The following AKAP19 variants were observed in gnomAD, a reference collection of about 807,000 sequenced individuals.
AKAP19 encodes the protein A-kinase anchoring protein 19.
At chr2:190,180,301 G>A in the AKAP19 span, among the ~76,000 whole-genome samples, 2 of 152,150 alleles carry the variant, frequency 1.3e-5, no homozygotes, top group Non-Finnish European at 2.9e-5. The surrounding 1 kb of genome is among the most constrained non-coding windows in gnomAD (Gnocchi z 6.8). Flanking sequence ...GCCAGGCTGC[G>A]GGGCCCCCTG....
the AKAP19 span, among the ~76,000 whole-genome samples, chr2:190,040,615 G>A: frequency 1.3e-5 from 2 of 152,116 alleles, no homozygotes; most frequent in African/African-American, 4.8e-5. Context: ...GTCCAGGATG[G>A]TATTGTCTAG....
At chr2:190,127,961 C>A in the AKAP19 span, among the ~76,000 whole-genome samples, 1 of 151,494 alleles carries the variant, frequency 6.6e-6, no homozygotes, top group Admixed American at 6.6e-5. Context: ...AAATTTAAAT[C>A]ACAGATATAA....
chr2:189,967,628 A>C, the AKAP19 span, among the ~76,000 whole-genome samples: 118 of 152,228 alleles, frequency 7.8e-4, no homozygotes, highest in South Asian at 3.7e-3. Flanking sequence ...TAGAAGCAAA[A>C]TGATCCTATA....
the AKAP19 span, among the ~76,000 whole-genome samples, chr2:190,083,908 A>G: frequency 6.6e-6 from 1 of 152,238 alleles, no homozygotes; most frequent in East Asian, 1.9e-4. Flanking sequence ...TTGAAGTCAC[A>G]CAGCGAGCAA....
the AKAP19 span, among the ~76,000 whole-genome samples, chr2:189,977,071 C>A: frequency 6.6e-6 from 1 of 152,198 alleles, no homozygotes; most frequent in Non-Finnish European, 1.5e-5. Flanking sequence ...GCATCGCTCA[C>A]GCTGGGAGCT....
the AKAP19 span, among the ~76,000 whole-genome samples, chr2:189,987,974 A>G: frequency 3.3e-5 from 5 of 152,114 alleles, no homozygotes; most frequent in African/African-American, 4.8e-5. Flanking sequence ...CTCAGGGATC[A>G]GAGTTTTTAA....
the AKAP19 span, among the ~76,000 whole-genome samples, chr2:190,177,050 T>C: frequency 6.6e-6 from 1 of 152,128 alleles, no homozygotes; most frequent in Admixed American, 6.5e-5. This position sits in a 1 kb window ranked among gnomAD's most constrained non-coding sequence, Gnocchi z 4.6. Flanking sequence ...AACAAAGAGG[T>C]AGAATCTAAA....
the AKAP19 span, among the ~76,000 whole-genome samples, chr2:190,025,899 G>A: frequency 6.6e-6 from 1 of 152,086 alleles, no homozygotes; most frequent in Non-Finnish European, 1.5e-5. Context: ...TTAGCATAAA[G>A]GATTTAAGAT....
At chr2:190,089,008 G>A in the AKAP19 span, among the ~76,000 whole-genome samples, 2 of 152,132 alleles carry the variant, frequency 1.3e-5, no homozygotes, top group Non-Finnish European at 2.9e-5. Context: ...CCTGACTTAG[G>A]TTTTTAGTTT....
chr2:190,198,631 C>CAAA, the AKAP19 span, among the ~76,000 whole-genome samples: 99 of 70,502 alleles, frequency 1.4e-3, no homozygotes, highest in African/African-American at 1.8e-3. Flanking sequence ...GACCCTGTCT[C>CAAA]AAAAAAAAAA....
chr2:190,015,169 C>T, the AKAP19 span, among the ~76,000 whole-genome samples: 1 of 152,194 alleles, frequency 6.6e-6, no homozygotes, highest in African/African-American at 2.4e-5. Context: ...GGCTCCAAAC[C>T]CACATTTCCC....
At chr2:190,014,865 A>C in the AKAP19 span, among the ~76,000 whole-genome samples, 1 of 152,212 alleles carries the variant, frequency 6.6e-6, no homozygotes, top group Non-Finnish European at 1.5e-5. Context: ...GAAATCCAGC[A>C]GGGCAGTCAT....
the AKAP19 span, among the ~76,000 whole-genome samples, chr2:190,045,833 T>C: frequency 0.3 from 45,117 of 152,016 alleles, 8,433 homozygotes; most frequent in African/African-American, 0.53. Context: ...GCTACTTTTG[T>C]CAGAAAGCCT....
chr2:190,155,519 T>C, the AKAP19 span, among the ~76,000 whole-genome samples: 1 of 152,098 alleles, frequency 6.6e-6, no homozygotes, highest in Non-Finnish European at 1.5e-5. Context: ...GAGGGTAAGG[T>C]CCTAGAGGAA....
chr2:190,026,786 C>T, the AKAP19 span, among the ~76,000 whole-genome samples: 1 of 152,206 alleles, frequency 6.6e-6, no homozygotes, highest in East Asian at 1.9e-4. Flanking sequence ...CTGTATTGGG[C>T]ACACTGGCAT....
At chr2:190,070,617 C>A in the AKAP19 span, among the ~76,000 whole-genome samples, 10 of 123,960 alleles carry the variant, frequency 8.1e-5, no homozygotes, top group Non-Finnish European at 1.1e-4. Flanking sequence ...CTCTCTCTCC[C>A]CCCCCCCTTT....
the AKAP19 span, among the ~76,000 whole-genome samples, chr2:190,049,948 C>T: frequency 2.0e-5 from 3 of 152,090 alleles, no homozygotes; most frequent in African/African-American, 7.2e-5. Context: ...AATAATAACT[C>T]TAGTTTTACA....
the AKAP19 span, among the ~76,000 whole-genome samples, chr2:189,909,923 T>C: frequency 6.6e-6 from 1 of 152,044 alleles, no homozygotes; most frequent in African/African-American, 2.4e-5. Context: ...TGTATCAAGG[T>C]GTTTTTTTTC....
At chr2:190,147,725 G>C in the AKAP19 span, among the ~76,000 whole-genome samples, 6 of 131,450 alleles carry the variant, frequency 4.6e-5, no homozygotes, top group African/African-American at 1.3e-4. Context: ...TCCTTGGTTA[G>C]GTATATTTCT....
Sources: allele counts gnomAD v4.1 joint callset (sites outside exome capture counted in the v4.1 genomes callset), GRCh38; gene constraint gnomAD v4.1.1; non-coding constraint Gnocchi (gnomAD v3.1); transcripts MANE v1.5; gene names NCBI Gene and HGNC (gene_info 2026-07-23, HGNC 2026-07-21).